The following DAGLB variants were observed in gnomAD, a reference collection of about 807,000 sequenced individuals.
The protein encoded by DAGLB is diacylglycerol lipase beta.
A neutral mutation model predicts 72.1 loss-of-function variants in DAGLB; 66 were observed. The observed-to-expected ratio is 0.92, with a 90% CI of 0.75 to 1.12. DAGLB has a LOEUF of 1.12. Ranked by LOEUF, DAGLB falls within the 50% of genes most tolerant of loss-of-function variation. The pLI is 0.00. For missense variants in DAGLB, 1,065 were observed against 884.9 expected (o/e 1.20, Z -2.58); for synonymous variants, 414 against 359.5 (o/e 1.15, Z -1.71).
chr7:6,425,608 AC>A (rs993101161), intron 7 of DAGLB, among the ~76,000 whole-genome samples: 2 of 151,294 alleles, frequency 1.3e-5, no homozygotes, highest in Non-Finnish European at 2.9e-5. Flanking sequence ...GGTGACAGTG[AC>A]CCCCCCAGAG....
intron 2 of DAGLB, among the ~76,000 whole-genome samples, chr7:6,439,780 G>A (rs117764546): frequency 0.023 from 3,542 of 151,814 alleles, 61 homozygotes; most frequent in Middle Eastern, 0.048. Flanking sequence ...GGCCGGGTGC[G>A]GTGGCTCATA....
chr7:6,423,030 T>C (rs1362429902), intron 8 of DAGLB, among the ~76,000 whole-genome samples: 1 of 152,132 alleles, frequency 6.6e-6, no homozygotes, highest in East Asian at 1.9e-4. Context: ...GGTGAGTGGA[T>C]GGCTACAGCC....
chr7:6,433,703 G>A (rs189581595), intron 4 of DAGLB, among the ~76,000 whole-genome samples: 431 of 152,180 alleles, frequency 2.8e-3, no homozygotes, highest in Non-Finnish European at 4.1e-3. Flanking sequence ...AGCTGGGCGT[G>A]GTGGCAGGTG....
chr7:6,426,275 CGACT>C (rs1784308036), intron 6 of DAGLB, among the ~76,000 whole-genome samples, 161 bp from the exon 7 acceptor site: 1 of 152,160 alleles, frequency 6.6e-6, no homozygotes, highest in African/African-American at 2.4e-5. Flanking sequence ...TTAATTTGAT[CGACT>C]GACTGATTGA....
At position 6,430,483 on chromosome 7, in the gene DAGLB, T is replaced by A; in HGVS notation, c.926A>T (p.Asp309Val). Reference protein sequence around the residue: ...PLTGLCRIGGDCCRSRTTDYD... With the variant: ...PLTGLCRIGGVCCRSRTTDYD... ...GGCTCAGACTGTGCCAACCCACCAG[T>A]CACCACCAATCCTGCACAGCCCCGT... is the stretch of plus-strand genomic sequence containing the variant. Residue 309 changes from aspartate to valine, a missense_variant, in exon 6 of 15, where the codon GAC becomes GTC. Coordinates refer to ENST00000297056, the MANE Select transcript of DAGLB (RefSeq NM_139179.4). 1 of 1,544,512 alleles carries A rather than the reference T, an allele frequency of 6.5e-7. No homozygotes were observed. The highest frequency in any genetic ancestry group is 1.2e-5 in the South Asian group (1 of 81,018).
intron 9 of DAGLB, among the ~76,000 whole-genome samples, chr7:6,418,570 C>T (rs547619038): frequency 2.6e-4 from 40 of 152,242 alleles, no homozygotes; most frequent in Admixed American, 4.6e-4. Flanking sequence ...GCCCCTGTCC[C>T]GTGCAGCTTC....
At chr7:6,425,801 G>A (rs1379052292) in intron 7 of DAGLB, among the ~76,000 whole-genome samples, 187 bp downstream of exon 7, 1 of 152,250 alleles carries the variant, frequency 6.6e-6, no homozygotes, top group Non-Finnish European at 1.5e-5. Context: ...CCTGGGTTCT[G>A]AACCTGCACC....
chr7:6,423,412 A>G (rs75951675), intron 8 of DAGLB, among the ~76,000 whole-genome samples: 19,208 of 151,640 alleles, frequency 0.13, 1,336 homozygotes, highest in Admixed American at 0.18. Flanking sequence ...CAGGGCGCAC[A>G]GAAACCACAG....
intron 5 of DAGLB, 150 bp downstream of exon 5, chr7:6,432,686 AG>A: frequency 7.4e-6 from 2 of 270,730 alleles, no homozygotes; most frequent in Non-Finnish European, 1.1e-5. Context: ...AAGGTGGGAG[AG>A]GGGAGGGAAG....
intron 8 of DAGLB, chr7:6,422,095 C>A: frequency 2.1e-6 from 1 of 474,892 alleles, no homozygotes; most frequent in Non-Finnish European, 4.1e-6. Context: ...TCTAAGGACC[C>A]CGTGGCACAG....
chr7:6,421,112 G>A (rs1260503846), intron 9 of DAGLB, among the ~76,000 whole-genome samples: 1 of 152,226 alleles, frequency 6.6e-6, no homozygotes, highest in Non-Finnish European at 1.5e-5. Context: ...AGACCAGCCT[G>A]GGCAACACAG....
At chr7:6,443,114 C>T (rs578232110) in intron 2 of DAGLB, among the ~76,000 whole-genome samples, 6 of 148,384 alleles carry the variant, frequency 4.0e-5, no homozygotes, top group South Asian at 2.1e-4. Flanking sequence ...ACCCGGGAGG[C>T]GGAGCTTACA....
chr7:6,447,946 C>T lies in DAGLB; in HGVS notation c.-104G>A. 1.4e-6 allele frequency: 2 copies of T among 1,455,658 alleles called. No individual in the cohort carries two copies. Among genetic ancestry groups the T allele is most frequent in the Non-Finnish European group, 1.8e-6 (2 of 1,107,014 alleles). The allele number at this position is 1,455,658 out of a possible 1,614,324, so 90.2% of individuals were successfully genotyped here. A position where few individuals can be genotyped will look rare whatever the true frequency, so the allele number is the denominator to read the frequency against. ...CGCCACCAAATTATCGGCGCTCAAG[C>T]GCAAACGCAGCGAGGGCGGGGACCT... is the stretch of plus-strand genomic sequence containing the variant. On this transcript the variant is annotated 5_prime_UTR_variant, in exon 1 of 15. Transcript: ENST00000297056.
At chr7:6,436,250 TCTAA>T (rs1430076672) in intron 3 of DAGLB, 108 bp downstream of exon 3, 130 of 1,358,414 alleles carry the variant, frequency 9.6e-5, no homozygotes, top group Admixed American at 2.8e-4. Context: ...AACTCCAATT[TCTAA>T]CTATTTGAGG....
In DAGLB at chr7:6,416,874, G is replaced by T. The variant is rs1005030700; in HGVS notation, c.1266C>A (p.Asp422Glu). Reference sequence around the variant, plus strand: ...TGCTGAAGGCTTGGCTCAAAATCCCGTCGTTGATGAGTCGTTGGTAAACGT... The same window carrying T: ...TGCTGAAGGCTTGGCTCAAAATCCCTTCGTTGATGAGTCGTTGGTAAACGT... ...ARYVYQRLIN[D>E]GILSQAFSIA... is the part of the protein sequence containing the mutation. The change falls in exon 10 of 15, where the codon GAC becomes GAA. Residue 422 changes from aspartate (D) to glutamate (E), a missense_variant. Coordinates refer to ENST00000297056, the MANE Select transcript of DAGLB (RefSeq NM_139179.4). 1 of 1,614,216 alleles carries T rather than the reference G, an allele frequency of 6.2e-7. No homozygotes were observed. The highest frequency in any genetic ancestry group is 8.5e-7 in the Non-Finnish European group (1 of 1,180,040).
intron 5 of DAGLB, 81 bp downstream of exon 5, chr7:6,432,756 C>A: frequency 6.8e-7 from 1 of 1,470,642 alleles, no homozygotes; most frequent in Non-Finnish European, 9.0e-7. Flanking sequence ...GAAGAAATTG[C>A]TATAGGTTAG....
At chr7:6,413,135 G>A in intron 11 of DAGLB, 101 bp from the exon 12 acceptor site, 1 of 1,252,260 alleles carries the variant, frequency 8.0e-7, no homozygotes. Flanking sequence ...AGGTTCCCAG[G>A]CCTCAGCTCT....
intron 8 of DAGLB, 123 bp from the exon 9 acceptor site, chr7:6,421,927 C>T (rs748090833): frequency 2.1e-5 from 23 of 1,102,726 alleles, no homozygotes; most frequent in Admixed American, 7.9e-5. Context: ...TCTCCTAGTT[C>T]GGTCCTGGGA....
At chr7:6,445,213 A>G (rs1376757097) in intron 2 of DAGLB, among the ~76,000 whole-genome samples, 1 of 152,236 alleles carries the variant, frequency 6.6e-6, no homozygotes, top group East Asian at 1.9e-4. Context: ...ATAGGTGAAA[A>G]ATGGAAACAA....
Sources: allele counts gnomAD v4.1 joint callset (sites outside exome capture counted in the v4.1 genomes callset), GRCh38; gene constraint gnomAD v4.1.1; transcripts MANE v1.5; gene names NCBI Gene and HGNC (gene_info 2026-07-23, HGNC 2026-07-21).